The following PARP2 variants were observed in gnomAD, a reference collection of about 807,000 sequenced individuals.
PARP2 encodes poly(ADP-ribose) polymerase 2.
Under a neutral mutation model 77.8 loss-of-function variants are expected in PARP2, and 57 were observed. That is an observed-to-expected ratio of 0.73 (90% confidence interval 0.59 to 0.91). PARP2 has a LOEUF of 0.91. Ranked by LOEUF, PARP2 falls within the 40% of genes least tolerant of loss-of-function variation. The pLI, the probability that PARP2 is intolerant of heterozygous loss-of-function variation, is 0.00. For synonymous variants in PARP2, 226 were observed against 242.6 expected (o/e 0.93, Z 0.64); for missense variants, 651 against 689.0 (o/e 0.94, Z 0.62).
chr14:20,354,221 AG>A lies in PARP2; in HGVS notation c.738del (p.Lys246AsnfsTer12). On this transcript the variant is annotated frameshift_variant, in exon 8 of 16. Coordinates refer to ENST00000429687, the MANE Select transcript of PARP2 (RefSeq NM_001042618.2). LOFTEE classifies it high-confidence loss of function. ...QAMEEMMMEM[K>X]YNTKKAPLGK... ...ATGGAAGAAATGATGATGGAAATGAAGTATAATACCAAGAAAGCCCCACTTG... is the reference window on the plus strand; with the variant it reads ...ATGGAAGAAATGATGATGGAAATGAATATAATACCAAGAAAGCCCCACTTG... 6.2e-7 allele frequency: 1 copy of A among 1,613,794 alleles called. No individual in the cohort carries two copies.
chr14:20,352,568 T>TTTTTTTTTTTTTTG (rs10695113), intron 7 of PARP2: 121 of 297,054 alleles, frequency 4.1e-4, no homozygotes, highest in South Asian at 6.4e-4. Context: ...CTTTTTTTTT[T>TTTTTTTTTTTTTTG]GTAAAGATGA....
At chr14:20,356,150 T>C (rs1455374526) in intron 11 of PARP2, 119 bp downstream of exon 11, 3 of 1,418,896 alleles carry the variant, frequency 2.1e-6, no homozygotes, top group Admixed American at 2.0e-5. Flanking sequence ...ACTTTTTATG[T>C]ACTAGGGATT....
At chr14:20,343,963 CCA>C (rs1300109770) in intron 1 of PARP2, among the ~76,000 whole-genome samples, 5 of 152,140 alleles carry the variant, frequency 3.3e-5, no homozygotes, top group Non-Finnish European at 5.9e-5. Context: ...GTAAGGCACA[CCA>C]TTATTTTATA....
At chr14:20,349,777 G>A (rs1270686610) in intron 4 of PARP2, among the ~76,000 whole-genome samples, 1 of 151,908 alleles carries the variant, frequency 6.6e-6, no homozygotes, top group Admixed American at 6.6e-5. Context: ...ATGTGAGCAA[G>A]CAGGAGATAG....
At position 20,353,397 on chromosome 14, in the gene PARP2, C is replaced by T. The variant is rs186496347; in HGVS notation, c.601-688C>T. 1.7e-3 allele frequency among the ~76,000 whole-genome samples: 252 copies of T among 151,958 alleles called. 1 individual carries two copies. The highest frequency in any genetic ancestry group is 5.7e-3 in the African/African-American group (238 of 41,428). On this transcript the variant is annotated intron_variant, in intron 7 of 15. Coordinates refer to ENST00000429687, the MANE Select transcript of PARP2 (RefSeq NM_001042618.2). ...CTGGGACTACAGGCGCCCGCCACCA[C>T]GCCCGGCTAATTTTTTTTTGTATTT...
Position 20,357,156 on chromosome 14 carries a change from C to T in PARP2, c.1428+7C>T, listed in dbSNP as rs764218324. On this transcript the variant is annotated splice_region_variant and intron_variant, in intron 14 of 15. Coordinates refer to ENST00000429687, the MANE Select transcript of PARP2 (RefSeq NM_001042618.2). ...ACTGCTGCTCTTATCAGAGGTGAGA[C>T]AGGAGTATGTCTGTGATCTCTAGTT... 7.0e-7 allele frequency: 1 copy of T among 1,424,666 alleles called. No homozygotes were observed. 88.3% of individuals were successfully genotyped at this position (1,424,666 alleles called of 1,614,324 possible).
chr14:20,355,094 G>A (rs1056445003), intron 9 of PARP2, 147 bp downstream of exon 9: 8 of 710,312 alleles, frequency 1.1e-5, no homozygotes, highest in African/African-American at 9.0e-5. Context: ...TATATAGGTA[G>A]CCTATTTAAT....
intron 4 of PARP2, among the ~76,000 whole-genome samples, chr14:20,349,802 A>G (rs1444579882): frequency 6.6e-6 from 1 of 152,076 alleles, no homozygotes; most frequent in African/African-American, 2.4e-5. Flanking sequence ...AGGAAGGGGC[A>G]GCATGCTTAA....
rs1566423451 is a variant in PARP2 at position 20,354,892 on chromosome 14, C to CGA, written c.849_850dup (p.Ala284GlufsTer25). 2 of 1,613,848 alleles carry CGA rather than the reference C, an allele frequency of 1.2e-6. No homozygotes were observed. Among genetic ancestry groups the CGA allele is most frequent in the Non-Finnish European group, 1.7e-6 (2 of 1,179,868 alleles). Reference sequence around the variant, plus strand: ...TTGTATTCGGGCTGGCCAGCATGGACGAGCTCTCATGGAAGCATGCAATGA... The same window carrying CGA: ...TTGTATTCGGGCTGGCCAGCATGGACGAGAGCTCTCATGGAAGCATGCAATGA... On this transcript the variant is annotated frameshift_variant, in exon 9 of 16. Transcript: ENST00000429687. LOFTEE classifies it high-confidence loss of function.
In PARP2 at chr14:20,346,781, C is replaced by G. The variant is rs73585121; in HGVS notation, c.274-82C>G. 3,272 of 873,226 alleles carry G rather than the reference C, an allele frequency of 3.7e-3. 85 individuals are homozygous for G. In the African/African-American group the frequency reaches 0.049, roughly 13 times the overall value. The allele number at this position is 873,226 out of a possible 1,614,324, so 54.1% of individuals were successfully genotyped here. A position where few individuals can be genotyped will look rare whatever the true frequency, so the allele number is the denominator to read the frequency against. On this transcript the variant is annotated intron_variant, in intron 3 of 15. Transcript: ENST00000429687. ...GTTGCTGTAGAATGATGACTTGAGC[C>G]ATAAGAAAATTTAGAGCCTCATTTA...
chr14:20,349,621 C>T (rs745794601), intron 4 of PARP2, among the ~76,000 whole-genome samples: 16 of 152,078 alleles, frequency 1.1e-4, no homozygotes, highest in South Asian at 2.1e-4. Context: ...TGGCAATGAG[C>T]GGAGGTTGCA....
At position 20,343,686 on chromosome 14, in the gene PARP2, A is replaced by G. The variant is rs776404988; in HGVS notation, c.45A>G (p.Arg15=). 2 of 1,609,458 alleles carry G rather than the reference A, an allele frequency of 1.2e-6. No homozygotes were observed. Among genetic ancestry groups the G allele is most frequent in the Admixed American group, 3.4e-5 (2 of 59,374 alleles). ...GGAGCACCGGCGGCGGCAGGGCGAG[A>G]GGTTCGGAGCTCAATATCGCGGGAC... ...RRRSTGGGRA[R]ALNESKRVNN... The change falls in exon 1 of 16, where the codon AGA becomes AGG. Residue 15 remains arginine (R), a splice_region_variant and synonymous_variant. Coordinates refer to ENST00000429687, the MANE Select transcript of PARP2 (RefSeq NM_001042618.2).
intron 8 of PARP2, 55 bp from the exon 9 acceptor site, chr14:20,354,754 A>G: frequency 6.6e-7 from 1 of 1,525,170 alleles, no homozygotes. Context: ...GATGTTAAGT[A>G]CAGTTCACTA....
chr14:20,347,365 TATATATATATATATATATATATATATA>T (rs1883779397), intron 4 of PARP2, among the ~76,000 whole-genome samples: 1 of 11,184 alleles, frequency 8.9e-5, no homozygotes, highest in East Asian at 2.2e-3. Context: ...TGTATATATA[TATATATATATATATATATATATATATA>T]TATATATTTT....
intron 3 of PARP2, among the ~76,000 whole-genome samples, chr14:20,345,995 A>G (rs928255654): frequency 5.9e-5 from 9 of 152,212 alleles, no homozygotes; most frequent in Non-Finnish European, 1.0e-4. Context: ...GCAGCAAGAC[A>G]GTGGTGCTAA....
Position 20,355,341 on chromosome 14 carries a change from T to C in PARP2, c.902+394T>C, listed in dbSNP as rs185652042. 29 of 184,346 alleles carry C rather than the reference T, an allele frequency of 1.6e-4. No homozygotes were observed. The East Asian group carries it at 3.9e-3, about 25-fold the overall frequency. 11.4% of individuals were successfully genotyped at this position (184,346 alleles called of 1,614,324 possible). A position where few individuals can be genotyped will look rare whatever the true frequency, so the allele number is the denominator to read the frequency against. Reference sequence around the variant, plus strand: ...AACATTTTACATTTGTTGATTCTGTTTTCTGGTTTACATCCGATTTCTATT... The same window carrying C: ...AACATTTTACATTTGTTGATTCTGTCTTCTGGTTTACATCCGATTTCTATT... On this transcript the variant is annotated intron_variant, in intron 9 of 15. Transcript: ENST00000429687.
chr14:20,344,772 C>T (rs1056587128), intron 1 of PARP2, among the ~76,000 whole-genome samples, 160 bp from the exon 2 acceptor site: 15 of 152,160 alleles, frequency 9.9e-5, no homozygotes, highest in African/African-American at 3.4e-4. Flanking sequence ...AAGATCGCAC[C>T]ACTGCAGTCC....
intron 4 of PARP2, among the ~76,000 whole-genome samples, chr14:20,347,360 A>C (rs867301886): frequency 1.2e-4 from 1 of 8,386 alleles, no homozygotes; most frequent in African/African-American, 5.8e-4. Context: ...GTGTGTGTAT[A>C]TATATATATA....
intron 5 of PARP2, 42 bp from the exon 6 acceptor site, chr14:20,351,005 T>C (rs750142770): frequency 1.4e-6 from 2 of 1,474,140 alleles, no homozygotes; most frequent in Non-Finnish European, 1.9e-6. Context: ...GCTGGCCTGT[T>C]ACTCTTAGGG....
Sources: allele counts gnomAD v4.1 joint callset (sites outside exome capture counted in the v4.1 genomes callset), GRCh38; gene constraint gnomAD v4.1.1; transcripts MANE v1.5; gene names NCBI Gene and HGNC (gene_info 2026-07-23, HGNC 2026-07-21).